ATAD1: variants seen among roughly 807,000 people sequenced by gnomAD.
The protein encoded by ATAD1 is ATPase family AAA domain containing 1.
In ATAD1, 18 loss-of-function variants were observed where a neutral mutation model predicts 42.7. The observed-to-expected ratio is 0.42, with a 90% CI of 0.29 to 0.63. The LOEUF is 0.63. ATAD1 is among the 20% of genes least tolerant of loss of function. ATAD1 has a pLI of 0.19. For missense variants in ATAD1, 294 were observed against 440.4 expected, an observed-to-expected ratio of 0.67 and a Z score of 2.98; for synonymous variants, 132 against 143.1, an observed-to-expected ratio of 0.92 and a Z score of 0.55.
chr10:87,771,379 A>C (rs568452646), intron 6 of ATAD1, among the ~76,000 whole-genome samples: 339 of 152,272 alleles, frequency 2.2e-3, no homozygotes, highest in African/African-American at 7.9e-3. Flanking sequence ...GTGCTTAATG[A>C]ATACATGTTG....
intron 2 of ATAD1, among the ~76,000 whole-genome samples, chr10:87,800,768 T>G (rs1360349346): frequency 6.6e-6 from 1 of 152,194 alleles, no homozygotes; most frequent in Admixed American, 6.6e-5. Flanking sequence ...AAGCCTCATC[T>G]TCAGGCTCCG....
At chr10:87,761,853 T>G (rs965234237) in intron 8 of ATAD1, among the ~76,000 whole-genome samples, 3 of 152,058 alleles carry the variant, frequency 2.0e-5, no homozygotes, top group Non-Finnish European at 2.9e-5. Context: ...CTTGAACTTC[T>G]AAGCTCAAGT....
intron 5 of ATAD1, among the ~76,000 whole-genome samples, chr10:87,781,319 A>G (rs1374545767): frequency 6.6e-6 from 1 of 152,208 alleles, no homozygotes; most frequent in Non-Finnish European, 1.5e-5. Context: ...CAGTAAAAAA[A>G]GGGAAACATT....
At chr10:87,838,196 T>C (rs756322787) in intron 1 of ATAD1, among the ~76,000 whole-genome samples, 1 of 152,186 alleles carries the variant, frequency 6.6e-6, no homozygotes, top group Non-Finnish European at 1.5e-5. Flanking sequence ...AGCTGTTTCA[T>C]GCATTCTATC....
In ATAD1 at chr10:87,839,183, A is replaced by G. The variant is rs140640015; in HGVS notation, c.-14+2004T>C. Among the ~76,000 whole-genome samples the G allele has an allele frequency of 1.2e-3, 176 of 152,278 alleles. 3 individuals are homozygous for G. Among genetic ancestry groups the G allele is most frequent in the Non-Finnish European group, 4.4e-5 (3 of 68,018 alleles). On this transcript the variant is annotated intron_variant, in intron 1 of 4. Transcript: ENST00000495903. ...TGTAGTTGTAACACTTCAAATATAT[A>G]TATTTTGGTATGTCTTTTTTGAATT...
At chr10:87,840,828 G>T (rs181658205) in intron 1 of ATAD1, among the ~76,000 whole-genome samples, 2 of 152,264 alleles carry the variant, frequency 1.3e-5, no homozygotes, top group African/African-American at 4.8e-5. Context: ...AGCGTAGAAA[G>T]AACATAACAT....
At chr10:87,836,200 A>G (rs1022051066) in intron 1 of ATAD1, among the ~76,000 whole-genome samples, 3 of 152,076 alleles carry the variant, frequency 2.0e-5, no homozygotes, top group African/African-American at 7.2e-5. Context: ...ATCATAGCCC[A>G]CTGTAACCTC....
At chr10:87,794,400 C>A (rs1349735915) in intron 2 of ATAD1, among the ~76,000 whole-genome samples, 3 of 152,134 alleles carry the variant, frequency 2.0e-5, no homozygotes, top group Non-Finnish European at 2.9e-5. Context: ...AAAAAGGTAT[C>A]CTATTTTAGC....
At chr10:87,782,608 G>A (rs1158650703) in intron 5 of ATAD1, among the ~76,000 whole-genome samples, 7 of 152,110 alleles carry the variant, frequency 4.6e-5, no homozygotes, top group African/African-American at 7.2e-5. Context: ...TATTCTAAAC[G>A]TTTCACTAAA....
At chr10:87,758,358 A>G (rs1241296471) in intron 8 of ATAD1, among the ~76,000 whole-genome samples, 2 of 152,182 alleles carry the variant, frequency 1.3e-5, no homozygotes, top group African/African-American at 2.4e-5. Context: ...AAAACAGAAT[A>G]AAGAATACAA....
At chr10:87,829,234 A>ATTTATTAT (rs33913276) in intron 1 of ATAD1, among the ~76,000 whole-genome samples, 22 of 142,966 alleles carry the variant, frequency 1.5e-4, no homozygotes, top group African/African-American at 5.2e-4. Context: ...TATTTTATTT[A>ATTTATTAT]TTATTTATTT....
intron 6 of ATAD1, among the ~76,000 whole-genome samples, chr10:87,772,533 T>C (rs1008803001): frequency 1.3e-5 from 2 of 151,378 alleles, no homozygotes; most frequent in African/African-American, 4.9e-5. Flanking sequence ...AATGAATGAG[T>C]ATAAGGAAAA....
At chr10:87,780,856 A>G (rs1466023380) in intron 5 of ATAD1, among the ~76,000 whole-genome samples, 2 of 152,202 alleles carry the variant, frequency 1.3e-5, no homozygotes, top group Non-Finnish European at 2.9e-5. Context: ...AGTGTAGACA[A>G]GAAAAAAAAT....
chr10:87,822,387 G>A (rs1589571375), upstream of ATAD1, among the ~76,000 whole-genome samples: 2 of 152,286 alleles, frequency 1.3e-5, no homozygotes, highest in South Asian at 4.1e-4. Flanking sequence ...AGCTATACCT[G>A]AAGCTGTACT....
intron 5 of ATAD1, among the ~76,000 whole-genome samples, chr10:87,783,363 T>A: frequency 6.6e-6 from 1 of 151,260 alleles, no homozygotes; most frequent in African/African-American, 2.4e-5. Context: ...CAGAGTGAGA[T>A]GCTGTCTTAA....
intron 1 of ATAD1, among the ~76,000 whole-genome samples, chr10:87,830,087 A>C (rs1023292668): frequency 6.6e-6 from 1 of 152,218 alleles, no homozygotes; most frequent in African/African-American, 2.4e-5. Flanking sequence ...CTAAAGAAAA[A>C]TCATGCCCTT....
intron 1 of ATAD1, among the ~76,000 whole-genome samples, chr10:87,815,535 A>G (rs1179973070): frequency 6.6e-6 from 1 of 152,062 alleles, no homozygotes; most frequent in African/African-American, 2.4e-5. Context: ...ATATATTTGT[A>G]CTTACATAAA....
chr10:87,825,308 CTTTTT>C (rs1267573215), intron 1 of ATAD1, among the ~76,000 whole-genome samples: 1 of 132,942 alleles, frequency 7.5e-6, no homozygotes. Context: ...AAATCTTAAC[CTTTTT>C]TTTTTTTTTT....
Position 87,784,652 on chromosome 10 carries a change from G to A in ATAD1, c.401C>T (p.Pro134Leu). ...QPPKGVLLYG[P>L]PGCGKTLIAK... is the part of the protein sequence containing the mutation. Reference sequence around the variant, plus strand: ...AATCAACGTTTTACCACAGCCTGGAGGCCCATAGAGAAGAACACCTGGAAA... The same window carrying A: ...AATCAACGTTTTACCACAGCCTGGAAGCCCATAGAGAAGAACACCTGGAAA... The change falls in exon 5 of 10, where the codon CCT (proline) becomes CTT (leucine). Residue 134 changes from proline to leucine, a missense_variant. Coordinates refer to ENST00000680024, the MANE Select transcript of ATAD1 (RefSeq NM_001321967.2). 6.2e-7 allele frequency: 1 copy of A among 1,612,750 alleles called. No homozygotes were observed. The highest frequency in any genetic ancestry group is 8.5e-7 in the Non-Finnish European group (1 of 1,179,762).
Sources: gnomAD v4.1 joint callset for allele counts (sites outside exome capture counted in the v4.1 genomes callset) on GRCh38, gnomAD v4.1.1 for gene constraint, MANE v1.5 for transcripts, NCBI Gene and HGNC (gene_info 2026-07-23, HGNC 2026-07-21) for gene names.